NECAB2: variants seen among roughly 807,000 people sequenced by gnomAD.
NECAB2 encodes N-terminal EF-hand calcium-binding protein 2.
A neutral mutation model predicts 51.9 loss-of-function variants in NECAB2; 68 were observed. The ratio of observed to expected loss-of-function variants is 1.31; its 90% CI spans 1.08 to 1.60. The LOEUF (loss-of-function observed/expected upper bound fraction) is 1.60, where lower values mean the gene tolerates loss of function less well. Ranked by LOEUF, NECAB2 falls within the 40% of genes most tolerant of loss-of-function variation. The probability of loss-of-function intolerance (pLI) is 0.00; values close to 1 mark genes in which losing one functional copy is unlikely to be tolerated. For missense variants in NECAB2, 854 were observed against 490.3 expected (o/e 1.74, Z -7.00); for synonymous variants, 329 against 203.5 (o/e 1.62, Z -5.25).
chr16:83,978,574 C>A (rs749438222), intron 3 of NECAB2, 22 bp downstream of exon 3: 2 of 1,588,372 alleles, frequency 1.3e-6, no homozygotes, highest in South Asian at 2.2e-5. Context: ...TCCTGGCTGG[C>A]AGAGTGGGGG....
Position 83,994,392 on chromosome 16 carries a change from T to A in NECAB2, c.687T>A (p.Ala229=), listed in dbSNP as rs1312861649. The change falls in exon 7 of 13, where the codon GCT becomes GCA. Residue 229 remains alanine (A), a synonymous_variant. Transcript: ENST00000305202. ...CTGCCCCCAACCACAAGCTCATGGC[T>A]ATGGAACAAGGCAAGACCCTTCCAT... ...PASAPNHKLM[A]MEQGKTLPSA... 1.9e-6 allele frequency: 3 copies of A among 1,613,986 alleles called. No homozygotes were observed. Among genetic ancestry groups the A allele is most frequent in the Admixed American group, 3.3e-5 (2 of 59,994 alleles).
intron 11 of NECAB2, among the ~76,000 whole-genome samples, chr16:84,001,433 G>C (rs894680888): frequency 6.6e-6 from 1 of 152,152 alleles, no homozygotes; most frequent in East Asian, 1.9e-4. Context: ...GCGGTCATGA[G>C]AAGTGAGAGT....
At chr16:83,991,943 C>T (rs2084631115) in intron 6 of NECAB2, among the ~76,000 whole-genome samples, 1 of 152,150 alleles carries the variant, frequency 6.6e-6, no homozygotes, top group African/African-American at 2.4e-5. Context: ...GCAGGAGCCA[C>T]CACACCCCAG....
chr16:83,997,594 TCTC>T (rs1191577708), intron 9 of NECAB2, among the ~76,000 whole-genome samples: 1 of 145,790 alleles, frequency 6.9e-6, no homozygotes, highest in African/African-American at 2.5e-5. Flanking sequence ...TTCAAGCAAT[TCTC>T]CTGCCTCAGC....
intron 2 of NECAB2, among the ~76,000 whole-genome samples, chr16:83,976,966 C>T (rs1330800727): frequency 6.6e-6 from 1 of 152,220 alleles, no homozygotes; most frequent in African/African-American, 2.4e-5. Context: ...TCTGCCATGT[C>T]GGGTTAGGCA....
chr16:83,993,568 T>C (rs1212601887), intron 6 of NECAB2: 1 of 154,284 alleles, frequency 6.5e-6, no homozygotes, highest in East Asian at 1.9e-4. Flanking sequence ...ATTTGGTCAT[T>C]CATTGAGCAT....
rs762556390 is a variant in NECAB2, at chr16:84,000,835, G to T, written c.1040+34G>T. On this transcript the variant is annotated intron_variant, in intron 11 of 12. Transcript: ENST00000305202. ...CTGGGTCCCCACAGCAGGTGAGGGAGACAGAGGGAAGTGGGGGGGCTGTCT... is the reference window on the plus strand; with the variant it reads ...CTGGGTCCCCACAGCAGGTGAGGGATACAGAGGGAAGTGGGGGGGCTGTCT... 7.9e-6 allele frequency: 11 copies of T among 1,400,478 alleles called. No homozygotes were observed. The Admixed American group carries it at 1.1e-4, about 14-fold the overall frequency. The allele number at this position is 1,400,478 out of a possible 1,614,324, so 86.8% of individuals were successfully genotyped here. A position where few individuals can be genotyped will look rare whatever the true frequency, so the allele number is the denominator to read the frequency against.
chr16:83,987,240 A>G (rs1327499055), intron 5 of NECAB2, among the ~76,000 whole-genome samples: 2 of 152,226 alleles, frequency 1.3e-5, no homozygotes, highest in Middle Eastern at 3.2e-3. Flanking sequence ...GACTTTGACT[A>G]TTCTTTCTAA....
At chr16:83,982,336 G>C (rs1187848507) in intron 5 of NECAB2, among the ~76,000 whole-genome samples, 1 of 152,172 alleles carries the variant, frequency 6.6e-6, no homozygotes, top group Non-Finnish European at 1.5e-5. Flanking sequence ...TTTGAGTCTT[G>C]CTGTTTTAGA....
At chr16:83,967,285 C>A (rs1368676665), upstream of NECAB2, among the ~76,000 whole-genome samples, 19 of 151,898 alleles carry the variant, frequency 1.3e-4, no homozygotes, top group Admixed American at 1.2e-3. Context: ...ATCTGTTTTG[C>A]CCATTGCTGG....
chr16:84,001,219 G>C (rs139319200), intron 11 of NECAB2, among the ~76,000 whole-genome samples: 3 of 151,804 alleles, frequency 2.0e-5, no homozygotes, highest in African/African-American at 4.9e-5. Context: ...GACGGAGATG[G>C]GGTAGGGTGT....
chr16:83,965,477 CT>C, upstream of NECAB2: 2 of 1,607,530 alleles, frequency 1.2e-6, no homozygotes, highest in Non-Finnish European at 1.7e-6. Context: ...CGACGCGGTC[CT>C]CTACGCCCGC....
intron 2 of NECAB2, 54 bp downstream of exon 2, chr16:83,972,229 C>T: frequency 1.2e-6 from 2 of 1,611,630 alleles, no homozygotes; most frequent in Non-Finnish European, 1.7e-6. Context: ...CCTCGTGCTT[C>T]ATGGGGAAGG....
chr16:83,999,832 C>T (rs902853011), intron 10 of NECAB2, among the ~76,000 whole-genome samples: 1 of 151,922 alleles, frequency 6.6e-6, no homozygotes, highest in African/African-American at 2.4e-5. Flanking sequence ...AATGAGAGGA[C>T]AAGTAGAAGG....
chr16:83,998,403 C>G (rs60912623), intron 10 of NECAB2, 86 bp downstream of exon 10: 35 of 1,310,178 alleles, frequency 2.7e-5, no homozygotes, highest in African/African-American at 4.3e-5. Context: ...AGGCTTTGCC[C>G]TAAGTAGTAC....
At chr16:83,976,548 G>A (rs534850247) in intron 2 of NECAB2, among the ~76,000 whole-genome samples, 11 of 152,298 alleles carry the variant, frequency 7.2e-5, no homozygotes, top group Non-Finnish European at 1.3e-4. Context: ...CAACAACTTC[G>A]ATTTCACTTA....
intron 10 of NECAB2, among the ~76,000 whole-genome samples, chr16:84,000,119 T>TGACCTCAC: frequency 6.6e-6 from 1 of 152,244 alleles, no homozygotes; most frequent in Admixed American, 6.5e-5. Context: ...CTTGAACTCC[T>TGACCTCAC]GACCTCACGT....
At chr16:83,992,521 A>T (rs1029641096) in intron 6 of NECAB2, among the ~76,000 whole-genome samples, 1 of 152,194 alleles carries the variant, frequency 6.6e-6, no homozygotes, top group African/African-American at 2.4e-5. Context: ...TCGGCACCCA[A>T]GCTCGATTGA....
chr16:83,998,925 G>A (rs1191091273), intron 10 of NECAB2, among the ~76,000 whole-genome samples: 1 of 152,196 alleles, frequency 6.6e-6, no homozygotes, highest in Non-Finnish European at 1.5e-5. Context: ...GGCCAGAGTG[G>A]AGGGGGTTGC....
Sources: allele counts gnomAD v4.1 joint callset (sites outside exome capture counted in the v4.1 genomes callset), GRCh38; gene constraint gnomAD v4.1.1; transcripts MANE v1.5; gene names NCBI Gene and HGNC (gene_info 2026-07-23, HGNC 2026-07-21).